The following RETREG1 variants were observed in gnomAD, a reference collection of about 807,000 sequenced individuals.
The protein encoded by RETREG1 is family with sequence similarity 134 member B.
A neutral mutation model predicts 54.8 loss-of-function variants in RETREG1; 44 were observed. The ratio of observed to expected loss-of-function variants is 0.80; its 90% CI spans 0.63 to 1.03. The LOEUF (loss-of-function observed/expected upper bound fraction) is 1.03. Ranked by LOEUF, RETREG1 falls within the 50% of genes least tolerant of loss-of-function variation. RETREG1 has a pLI of 0.00. For synonymous variants in RETREG1, 217 were observed against 238.5 expected (o/e 0.91, Z 0.83); for missense variants, 554 against 605.1 (o/e 0.92, Z 0.89).
intron 3 of RETREG1, among the ~76,000 whole-genome samples, chr5:16,511,731 C>T (rs971278399): frequency 6.6e-6 from 1 of 152,088 alleles, no homozygotes; most frequent in South Asian, 2.1e-4. Context: ...GCAGGCTGTA[C>T]AGGAAGCATG....
At chr5:16,552,652 C>T (rs1182309683) in intron 3 of RETREG1, among the ~76,000 whole-genome samples, 4 of 152,180 alleles carry the variant, frequency 2.6e-5, no homozygotes, top group Non-Finnish European at 4.4e-5. Flanking sequence ...ATCTATCCTT[C>T]AATCACTTCT....
chr5:16,506,431 T>C (rs1214003397), intron 3 of RETREG1, among the ~76,000 whole-genome samples: 3 of 152,150 alleles, frequency 2.0e-5, no homozygotes, highest in African/African-American at 4.8e-5. Flanking sequence ...ATCTCGAAGG[T>C]AGCAAGAGTC....
At chr5:16,490,664 C>G (rs917305152) in intron 3 of RETREG1, among the ~76,000 whole-genome samples, 1 of 152,150 alleles carries the variant, frequency 6.6e-6, no homozygotes, top group African/African-American at 2.4e-5. Context: ...AGTTGAGGCC[C>G]AGATACATTA....
chr5:16,481,682 T>C (rs1738779526), intron 4 of RETREG1, among the ~76,000 whole-genome samples: 1 of 152,040 alleles, frequency 6.6e-6, no homozygotes, highest in Non-Finnish European at 1.5e-5. Context: ...TGACCCCACT[T>C]CTAAGTCACC....
rs750740230 is a variant in RETREG1 at position 16,616,966 on chromosome 5, C to G, written c.6G>C (p.Ala2=). M[A]SPAPPEHAEE... ...CGGCGTGCTCCGGAGGCGCCGGGCTCGCCATCTTCAGCTGTGCTTCCAGAC... is the reference window on the plus strand; with the variant it reads ...CGGCGTGCTCCGGAGGCGCCGGGCTGGCCATCTTCAGCTGTGCTTCCAGAC... Residue 2 remains alanine (A), a synonymous_variant, in exon 1 of 9, where the codon GCG becomes GCC. Transcript: ENST00000306320. 6.4e-4 allele frequency: 921 copies of G among 1,429,166 alleles called. No homozygotes were observed. The highest frequency in any genetic ancestry group is 7.8e-4 in the Non-Finnish European group (849 of 1,093,828). 88.5% of individuals were successfully genotyped at this position (1,429,166 alleles called of 1,614,324 possible).
rs181002938 is a variant in RETREG1, at chr5:16,486,852, C to T, written c.459-3380G>A. Among the ~76,000 whole-genome samples, 156 of 152,024 alleles carry T rather than the reference C, an allele frequency of 1.0e-3. 1 individual carries two copies. The highest frequency in any genetic ancestry group is 2.0e-3 in the Non-Finnish European group (136 of 67,946). ...GCACTTCATGTGCAGAATCCAAATA[C>T]TCAGCAGAAACCAAGATCTACGCTT... On this transcript the variant is annotated intron_variant, in intron 3 of 8. Coordinates refer to ENST00000306320, the MANE Select transcript of RETREG1 (RefSeq NM_001034850.3).
chr5:16,500,107 CTAA>C (rs1194448469), intron 3 of RETREG1, among the ~76,000 whole-genome samples: 1 of 152,220 alleles, frequency 6.6e-6, no homozygotes, highest in African/African-American at 2.4e-5. Flanking sequence ...TTCTGTCTCC[CTAA>C]TAAGAGGGTG....
Position 16,599,254 on chromosome 5 carries a change from CT to C in RETREG1, c.320+17397del, listed in dbSNP as rs551505742. On this transcript the variant is annotated intron_variant, in intron 1 of 8. Coordinates refer to ENST00000306320, the MANE Select transcript of RETREG1 (RefSeq NM_001034850.3). Reference sequence around the variant, plus strand: ...AATTTTTTACAAATAAAAAGAAATGCTGTAATGAAATGCCATTCTCATGCTT... The same window carrying C: ...AATTTTTTACAAATAAAAAGAAATGCGTAATGAAATGCCATTCTCATGCTT... Among the ~76,000 whole-genome samples, 104 of 152,122 alleles carry C rather than the reference CT, an allele frequency of 6.8e-4. 1 individual carries two copies. The highest frequency in any genetic ancestry group is 1.2e-3 in the Non-Finnish European group (83 of 68,024).
At chr5:16,523,197 A>C (rs1435404273) in intron 3 of RETREG1, among the ~76,000 whole-genome samples, 1 of 152,156 alleles carries the variant, frequency 6.6e-6, no homozygotes, top group East Asian at 1.9e-4. Context: ...CATCGGTACG[A>C]CACTATGAAC....
chr5:16,498,897 T>G (rs980047814), intron 3 of RETREG1, among the ~76,000 whole-genome samples: 4 of 152,216 alleles, frequency 2.6e-5, no homozygotes, highest in African/African-American at 7.2e-5. Context: ...TTTAAATTTT[T>G]CTTTAATAAT....
At chr5:16,607,580 C>G (rs1177482980) in intron 1 of RETREG1, among the ~76,000 whole-genome samples, 1 of 151,990 alleles carries the variant, frequency 6.6e-6, no homozygotes, top group Non-Finnish European at 1.5e-5. Context: ...CACCACTGCA[C>G]TCCAGCCTGG....
At chr5:16,533,885 G>A (rs1398141367) in intron 3 of RETREG1, among the ~76,000 whole-genome samples, 6 of 152,212 alleles carry the variant, frequency 3.9e-5, no homozygotes, top group Middle Eastern at 6.8e-3. Flanking sequence ...ATCGACCACC[G>A]TCCTCGCCAG....
At chr5:16,509,427 G>C (rs1451389315) in intron 3 of RETREG1, 1 of 152,196 alleles carries the variant, frequency 6.6e-6, no homozygotes, top group Non-Finnish European at 1.5e-5. Flanking sequence ...CTTAGGGGCA[G>C]CCTGACACTG....
At chr5:16,518,781 T>C (rs1740440089) in intron 3 of RETREG1, among the ~76,000 whole-genome samples, 2 of 152,164 alleles carry the variant, frequency 1.3e-5, no homozygotes, top group Admixed American at 1.3e-4. Context: ...AAGACATGTG[T>C]TGGCTGAAAG....
In RETREG1 at chr5:16,571,976, T is replaced by C. The variant is rs989490080; in HGVS notation, c.427+20A>G. 2 of 1,554,678 alleles carry C rather than the reference T, an allele frequency of 1.3e-6. No homozygotes were observed. The highest frequency in any genetic ancestry group is 2.7e-5 in the African/African-American group (2 of 73,678). ...TCTAGAAAATTAAATACCATATAAATAAAATCTGAGTATTCTTACCTCTTG... is the reference window on the plus strand; with the variant it reads ...TCTAGAAAATTAAATACCATATAAACAAAATCTGAGTATTCTTACCTCTTG... On this transcript the variant is annotated intron_variant, in intron 2 of 8. Coordinates refer to ENST00000306320, the MANE Select transcript of RETREG1 (RefSeq NM_001034850.3).
At chr5:16,577,044 C>CACAG (rs1247362790) in intron 1 of RETREG1, among the ~76,000 whole-genome samples, 1 of 151,452 alleles carries the variant, frequency 6.6e-6, no homozygotes, top group East Asian at 1.9e-4. Context: ...CACGCACACA[C>CACAG]ACACACACAC....
At chr5:16,515,348 C>T (rs1740314974) in intron 3 of RETREG1, among the ~76,000 whole-genome samples, 1 of 152,184 alleles carries the variant, frequency 6.6e-6, no homozygotes, top group African/African-American at 2.4e-5. Context: ...CTTAAAGAAA[C>T]ATAATAAATA....
At chr5:16,580,674 AT>A in intron 1 of RETREG1, among the ~76,000 whole-genome samples, 1 of 152,298 alleles carries the variant, frequency 6.6e-6, no homozygotes, top group Non-Finnish European at 1.5e-5. Flanking sequence ...AATAATTATC[AT>A]GAGGGGGAGT....
intron 3 of RETREG1, among the ~76,000 whole-genome samples, chr5:16,491,407 G>A (rs1369857011): frequency 6.6e-6 from 1 of 152,174 alleles, no homozygotes; most frequent in East Asian, 1.9e-4. Flanking sequence ...TCTGTCTTCA[G>A]TAGCTAACAG....
Sources: gnomAD v4.1 joint callset for allele counts (sites outside exome capture counted in the v4.1 genomes callset) on GRCh38, gnomAD v4.1.1 for gene constraint, MANE v1.5 for transcripts, NCBI Gene and HGNC (gene_info 2026-07-23, HGNC 2026-07-21) for gene names.